The following SMYD3 variants were observed in gnomAD, a reference collection of about 807,000 sequenced individuals.
SMYD3 encodes SET and MYND domain containing 3.
SMYD3 carries 36 observed loss-of-function variants against 57.7 expected under a neutral mutation model. The observed-to-expected ratio is 0.62, with a 90% CI of 0.48 to 0.82. The LOEUF is 0.82. SMYD3 is among the 40% of genes least tolerant of loss of function. The pLI is 0.00. For missense variants in SMYD3, 515 were observed against 538.8 expected, an observed-to-expected ratio of 0.96 and a Z score of 0.44; for synonymous variants, 211 against 195.0, an observed-to-expected ratio of 1.08 and a Z score of -0.68.
intron 3 of SMYD3, among the ~76,000 whole-genome samples, chr1:246,333,656 T>C (rs1293112618): frequency 2.0e-5 from 3 of 152,078 alleles, no homozygotes; most frequent in African/African-American, 7.2e-5. Context: ...GGAGAATTTC[T>C]TGAGCCCAGG....
chr1:246,480,939 C>G (rs1010771872), intron 1 of SMYD3, among the ~76,000 whole-genome samples: 3 of 152,110 alleles, frequency 2.0e-5, no homozygotes, highest in Non-Finnish European at 2.9e-5. Flanking sequence ...GCTGGGATTA[C>G]AGGCGTGTGC....
chr1:246,210,980 C>T (rs2063077221), intron 5 of SMYD3, among the ~76,000 whole-genome samples: 1 of 152,148 alleles, frequency 6.6e-6, no homozygotes, highest in African/African-American at 2.4e-5. Context: ...GCTGTGAAAG[C>T]CGTTGCTTAG....
At chr1:246,380,057 C>T (rs972900604) in intron 1 of SMYD3, among the ~76,000 whole-genome samples, 11 of 151,336 alleles carry the variant, frequency 7.3e-5, no homozygotes, top group Non-Finnish European at 2.9e-5. Context: ...GAAAAGTCAA[C>T]GTCCATACCC....
intron 10 of SMYD3, among the ~76,000 whole-genome samples, chr1:245,817,243 A>AC (rs1318062853): frequency 6.9e-6 from 1 of 143,962 alleles, no homozygotes; most frequent in Non-Finnish European, 1.5e-5. Flanking sequence ...CTGACCCCTG[A>AC]CCCCCGAGCA....
chr1:246,215,051 C>T (rs1323556043), intron 5 of SMYD3, among the ~76,000 whole-genome samples: 2 of 151,976 alleles, frequency 1.3e-5, no homozygotes, highest in Non-Finnish European at 2.9e-5. Flanking sequence ...AGTTGAAATG[C>T]GATGATTCAT....
intron 5 of SMYD3, among the ~76,000 whole-genome samples, chr1:245,949,873 C>T (rs924153806): frequency 1.5e-5 from 1 of 66,620 alleles, no homozygotes; most frequent in Non-Finnish European, 2.6e-5. Context: ...AATTAAAAAA[C>T]ACAGTGCCCA....
intron 5 of SMYD3, among the ~76,000 whole-genome samples, chr1:246,090,241 T>C (rs896159118): frequency 3.3e-5 from 5 of 152,216 alleles, no homozygotes; most frequent in Admixed American, 1.3e-4. Context: ...CTGTCCAACA[T>C]ACATAATCCT....
chr1:246,412,950 T>C (rs1194702694), intron 1 of SMYD3, among the ~76,000 whole-genome samples: 2 of 152,024 alleles, frequency 1.3e-5, no homozygotes, highest in East Asian at 3.8e-4. Flanking sequence ...ATCTTCCTAA[T>C]TACCTGATAA....
At chr1:246,219,833 C>T (rs1244126308) in intron 5 of SMYD3, among the ~76,000 whole-genome samples, 1 of 152,108 alleles carries the variant, frequency 6.6e-6, no homozygotes, top group East Asian at 1.9e-4. Context: ...ACCTGCATGC[C>T]TCCTTTCATG....
At chr1:246,181,099 C>T (rs1042366216) in intron 5 of SMYD3, among the ~76,000 whole-genome samples, 2 of 152,154 alleles carry the variant, frequency 1.3e-5, no homozygotes, top group African/African-American at 4.8e-5. Context: ...AGGAACCATG[C>T]GCCTCTGGGA....
intron 8 of SMYD3, among the ~76,000 whole-genome samples, chr1:245,896,205 A>G (rs755013625): frequency 7.9e-5 from 12 of 152,116 alleles, no homozygotes; most frequent in Non-Finnish European, 1.5e-4. Context: ...AAATTAGATC[A>G]TTATCTTCTC....
chr1:246,366,692 C>T (rs760047724), intron 1 of SMYD3, among the ~76,000 whole-genome samples: 2 of 151,846 alleles, frequency 1.3e-5, no homozygotes, highest in African/African-American at 4.8e-5. Context: ...GCCTGTAATC[C>T]CAGCACTTTG....
chr1:246,018,154 CACACAG>C (rs2059409613), intron 5 of SMYD3, among the ~76,000 whole-genome samples: 1 of 152,204 alleles, frequency 6.6e-6, no homozygotes, highest in African/African-American at 2.4e-5. Flanking sequence ...GTATGTGGAA[CACACAG>C]ACACAAAGAT....
chr1:246,263,887 C>T (rs1263118644), intron 5 of SMYD3, among the ~76,000 whole-genome samples: 1 of 152,154 alleles, frequency 6.6e-6, no homozygotes, highest in African/African-American at 2.4e-5. Flanking sequence ...TAAATAATTA[C>T]ATTTCTGCTT....
chr1:246,092,644 G>C (rs1164623558), intron 5 of SMYD3, among the ~76,000 whole-genome samples: 1 of 152,100 alleles, frequency 6.6e-6, no homozygotes, highest in Non-Finnish European at 1.5e-5. Flanking sequence ...ACAACCCAAA[G>C]CTATGAAGCT....
chr1:246,040,785 T>C (rs1019842922), intron 5 of SMYD3, among the ~76,000 whole-genome samples: 1 of 152,248 alleles, frequency 6.6e-6, no homozygotes, highest in African/African-American at 2.4e-5. Context: ...GTGGTCTACA[T>C]GTCACTGATT....
chr1:246,495,297 C>T (rs4654114), intron 1 of SMYD3, among the ~76,000 whole-genome samples: 59,421 of 140,680 alleles, frequency 0.42, 13,653 homozygotes, highest in East Asian at 0.72. Context: ...TGCTGTGAGC[C>T]GAGATCATGC....
At chr1:246,384,905 T>C (rs1167754893) in intron 1 of SMYD3, among the ~76,000 whole-genome samples, 1 of 152,200 alleles carries the variant, frequency 6.6e-6, no homozygotes, top group Non-Finnish European at 1.5e-5. Flanking sequence ...ATTTTCTTCA[T>C]ACCTCAGAAA....
intron 1 of SMYD3, among the ~76,000 whole-genome samples, chr1:246,364,368 A>C (rs555430407): frequency 2.0e-5 from 3 of 152,242 alleles, no homozygotes; most frequent in Admixed American, 2.0e-4. Context: ...AACATCAATG[A>C]CAAAACAGAA....
Sources: allele counts gnomAD v4.1 joint callset (sites outside exome capture counted in the v4.1 genomes callset), GRCh38; gene constraint gnomAD v4.1.1; transcripts MANE v1.5; gene names NCBI Gene and HGNC (gene_info 2026-07-23, HGNC 2026-07-21).